SNTG1: variants seen among roughly 807,000 people sequenced by gnomAD.
SNTG1 encodes gamma-1-syntrophin.
Under a neutral mutation model 74.7 loss-of-function variants are expected in SNTG1, and 39 were observed. That is an observed-to-expected ratio of 0.52 (90% CI 0.40 to 0.68). The LOEUF is 0.68. SNTG1 is among the 30% of genes least tolerant of loss of function. The pLI, the probability that SNTG1 is intolerant of heterozygous loss-of-function variation, is 0.00. For synonymous variants in SNTG1, 254 were observed against 217.1 expected (o/e 1.17, Z -1.49); for missense variants, 685 against 609.5 (o/e 1.12, Z -1.30).
intron 1 of SNTG1, among the ~76,000 whole-genome samples, chr8:50,079,643 C>T (rs773203621): frequency 7.2e-5 from 11 of 152,062 alleles, no homozygotes; most frequent in African/African-American, 1.2e-4. Flanking sequence ...TTGCTCATGC[C>T]TATGTCCTAA....
intron 15 of SNTG1, among the ~76,000 whole-genome samples, chr8:50,688,736 G>C (rs1486294667): frequency 6.6e-6 from 1 of 152,124 alleles, no homozygotes; most frequent in African/African-American, 2.4e-5. Flanking sequence ...ACTTGGCAAT[G>C]CGGGCTATTT....
In SNTG1 at chr8:50,259,051, T is replaced by C. The variant is rs568427059; in HGVS notation, c.-28+86416T>C. Among the ~76,000 whole-genome samples, 4 of 152,132 alleles carry C rather than the reference T, an allele frequency of 2.6e-5. No individual in the cohort carries two copies. The South Asian group carries it at 8.3e-4, about 32-fold the overall frequency. On this transcript the variant is annotated intron_variant, in intron 2 of 18. Coordinates refer to ENST00000642720, the MANE Select transcript of SNTG1 (RefSeq NM_018967.5). ...GAAGAAAATCGTAAAAAGATTAAGA[T>C]ACAAAGGGATCACCATAGGATTAAT... is the stretch of plus-strand genomic sequence containing the variant.
At chr8:49,933,859 T>G (rs1472775042) in intron 1 of SNTG1, among the ~76,000 whole-genome samples, 1 of 152,180 alleles carries the variant, frequency 6.6e-6, no homozygotes, top group Non-Finnish European at 1.5e-5. Flanking sequence ...CCTCCTGGAC[T>G]TGGTTGTGGA....
intron 1 of SNTG1, among the ~76,000 whole-genome samples, chr8:49,975,375 G>A (rs752866756): frequency 6.6e-5 from 10 of 152,020 alleles, no homozygotes; most frequent in Non-Finnish European, 1.5e-4. Context: ...TAGTATGCTT[G>A]TTGATGTTGG....
At chr8:50,352,493 A>G (rs1587272795) in intron 2 of SNTG1, among the ~76,000 whole-genome samples, 1 of 152,042 alleles carries the variant, frequency 6.6e-6, no homozygotes, top group East Asian at 1.9e-4. Context: ...CAGGTACAAG[A>G]GATTCTCCTG....
intron 12 of SNTG1, among the ~76,000 whole-genome samples, chr8:50,587,363 C>G (rs1159680684): frequency 6.6e-6 from 1 of 151,978 alleles, no homozygotes; most frequent in East Asian, 1.9e-4. Context: ...TAAATATCAC[C>G]ATAAGCATTT....
At position 50,627,291 on chromosome 8, in the gene SNTG1, T is replaced by C. The variant is rs191434754; in HGVS notation, c.850-29618T>C. 1.4e-3 allele frequency among the ~76,000 whole-genome samples: 215 copies of C among 152,336 alleles called. 1 individual carries two copies. The highest frequency in any genetic ancestry group is 3.4e-3 in the Middle Eastern group (1 of 294). On this transcript the variant is annotated intron_variant, in intron 13 of 18. Coordinates refer to ENST00000642720, the MANE Select transcript of SNTG1 (RefSeq NM_018967.5). ...TTTTAACAGATAAATTTACTTTTAT[T>C]CTGAATCATAGATTATCATAGATAA...
chr8:50,371,140 T>G (rs116886192), intron 2 of SNTG1, among the ~76,000 whole-genome samples: 3,531 of 152,238 alleles, frequency 0.023, 75 homozygotes, highest in Non-Finnish European at 0.038. Flanking sequence ...AAGATAACTA[T>G]TTTCTTTTGA....
At chr8:49,992,376 G>T (rs1392863942) in intron 1 of SNTG1, among the ~76,000 whole-genome samples, 3 of 152,134 alleles carry the variant, frequency 2.0e-5, no homozygotes, top group South Asian at 4.1e-4. Context: ...TGGCAATTTT[G>T]CATATTAAGA....
In SNTG1 at chr8:50,267,843, T is replaced by C. The variant is rs571862322; in HGVS notation, c.-28+95208T>C. On this transcript the variant is annotated intron_variant, in intron 2 of 18. Coordinates refer to ENST00000642720, the MANE Select transcript of SNTG1 (RefSeq NM_018967.5). Reference sequence around the variant, plus strand: ...CTACAGGAAAAATAGATACTGCTAATGTATTCAGTGATATTGTGAGTTCTT... The same window carrying C: ...CTACAGGAAAAATAGATACTGCTAACGTATTCAGTGATATTGTGAGTTCTT... Among the ~76,000 whole-genome samples the C allele has an allele frequency of 4.6e-4, 70 of 152,292 alleles. 2 individuals carry two copies. The highest frequency in any genetic ancestry group is 1.1e-3 in the Admixed American group (17 of 15,284).
intron 2 of SNTG1, among the ~76,000 whole-genome samples, chr8:50,204,149 A>T (rs2084102387): frequency 6.6e-6 from 1 of 152,182 alleles, no homozygotes; most frequent in Non-Finnish European, 1.5e-5. Flanking sequence ...TTTGGTGGCT[A>T]AGAGACTAGC....
intron 1 of SNTG1, among the ~76,000 whole-genome samples, chr8:49,917,603 ACATGG>A (rs1309376305): frequency 6.6e-6 from 1 of 152,170 alleles, no homozygotes; most frequent in Non-Finnish European, 1.5e-5. Flanking sequence ...TAGTCTATGC[ACATGG>A]CTCTGATCAA....
At position 50,360,917 on chromosome 8, in the gene SNTG1, A is replaced by G. The variant is rs529900626; in HGVS notation, c.-27-33295A>G. ...ACTATACACTACTGTAGACTTTTAA[A>G]TGCTGGACACAGGCTACACAAATTT... On this transcript the variant is annotated intron_variant, in intron 2 of 18. Coordinates refer to ENST00000642720, the MANE Select transcript of SNTG1 (RefSeq NM_018967.5). Among the ~76,000 whole-genome samples the G allele has an allele frequency of 3.3e-4, 51 of 152,308 alleles. 1 individual carries two copies. The highest frequency in any genetic ancestry group is 6.8e-3 in the Middle Eastern group (2 of 294).
intron 2 of SNTG1, among the ~76,000 whole-genome samples, chr8:50,289,372 T>G (rs1276845378): frequency 6.6e-6 from 1 of 152,204 alleles, no homozygotes; most frequent in Admixed American, 6.5e-5. Context: ...ACTGCATCAG[T>G]GCCCATGATT....
intron 5 of SNTG1, among the ~76,000 whole-genome samples, chr8:50,448,638 T>C (rs1216847768): frequency 6.6e-6 from 1 of 152,214 alleles, no homozygotes. Context: ...AATACAGAAA[T>C]GGGATTCTTT....
In SNTG1 at chr8:50,485,723, T is replaced by C. The variant is rs529956911; in HGVS notation, c.364-17055T>C. On this transcript the variant is annotated intron_variant, in intron 8 of 18. Transcript: ENST00000642720. ...GCTTTTGTTGCCATTGCTTTTGGTG[T>C]TTTAGACATGAAGTCCTTGCCCATA... is the stretch of plus-strand genomic sequence containing the variant. Among the ~76,000 whole-genome samples the C allele has an allele frequency of 5.7e-3, 865 of 151,460 alleles. 10 individuals are homozygous for C. Among genetic ancestry groups the C allele is most frequent in the African/African-American group, 0.02 (815 of 41,232 alleles).
rs183470465 is a variant in SNTG1 at position 50,534,344 on chromosome 8, C to T, written c.550-2334C>T. 1.5e-3 allele frequency among the ~76,000 whole-genome samples: 235 copies of T among 152,198 alleles called. 1 individual carries two copies. Among genetic ancestry groups the T allele is most frequent in the African/African-American group, 5.4e-3 (226 of 41,510 alleles). On this transcript the variant is annotated intron_variant, in intron 10 of 18. Coordinates refer to ENST00000642720, the MANE Select transcript of SNTG1 (RefSeq NM_018967.5). Reference sequence around the variant, plus strand: ...CCAACGAGGACCTTGCTTTGTGCAGCTGGGTGGGTCCTGGGCCACTTGCAA... The same window carrying T: ...CCAACGAGGACCTTGCTTTGTGCAGTTGGGTGGGTCCTGGGCCACTTGCAA...
intron 1 of SNTG1, among the ~76,000 whole-genome samples, chr8:49,951,175 G>A (rs1035504306): frequency 7.9e-5 from 12 of 152,140 alleles, no homozygotes; most frequent in African/African-American, 2.6e-4. Context: ...TAGAAATTAG[G>A]TTTGCTGACA....
chr8:50,120,501 TTACTGCAATCACC>T (rs1169608905), intron 1 of SNTG1, among the ~76,000 whole-genome samples: 2 of 139,852 alleles, frequency 1.4e-5, no homozygotes, highest in African/African-American at 2.6e-5. Flanking sequence ...CTATCCAACA[TTACTGCAATCACC>T]AATACTGCCA....
Sources: gnomAD v4.1 joint callset for allele counts (sites outside exome capture counted in the v4.1 genomes callset) on GRCh38, gnomAD v4.1.1 for gene constraint, MANE v1.5 for transcripts, NCBI Gene and HGNC (gene_info 2026-07-23, HGNC 2026-07-21) for gene names.